COMMD6: variants seen among roughly 807,000 people sequenced by gnomAD.
The protein encoded by COMMD6 is COMM domain containing 6.
Under a neutral mutation model 13.4 loss-of-function variants are expected in COMMD6, and 11 were observed. The ratio of observed to expected loss-of-function variants is 0.82; its 90% confidence interval spans 0.52 to 1.36. The LOEUF (loss-of-function observed/expected upper bound fraction) is 1.36. COMMD6 is among the 40% of genes most tolerant of loss of function. The pLI is 0.00. For synonymous variants in COMMD6, 43 were observed against 36.5 expected, an observed-to-expected ratio of 1.18 and a Z score of -0.64; for missense variants, 124 against 102.4, an observed-to-expected ratio of 1.21 and a Z score of -0.91.
chr13:75,544,122 G>T (rs568533470), intron 1 of COMMD6, among the ~76,000 whole-genome samples: 6 of 152,126 alleles, frequency 3.9e-5, no homozygotes, highest in East Asian at 3.9e-4. Flanking sequence ...TGGTGGGTGG[G>T]GGGGAGGTGG....
chr13:75,535,530 A>G (rs2030635654), intron 2 of COMMD6, among the ~76,000 whole-genome samples: 1 of 152,230 alleles, frequency 6.6e-6, no homozygotes, highest in Non-Finnish European at 1.5e-5. Flanking sequence ...AGAGAAAACA[A>G]TATGCTGATC....
At chr13:75,545,479 T>C in intron 1 of COMMD6, among the ~76,000 whole-genome samples, 1 of 152,108 alleles carries the variant, frequency 6.6e-6, no homozygotes, top group East Asian at 1.9e-4. Context: ...TTCTCTTTTT[T>C]TTTTTGAGAT....
At chr13:75,527,890 A>G in intron 3 of COMMD6, 1 of 1,484,370 alleles carries the variant, frequency 6.7e-7, no homozygotes, top group East Asian at 2.5e-5. Flanking sequence ...AAAGGTACAA[A>G]CTTTTGGTTA....
intron 1 of COMMD6, among the ~76,000 whole-genome samples, chr13:75,544,478 C>T (rs2030871762): frequency 6.6e-6 from 1 of 152,058 alleles, no homozygotes; most frequent in South Asian, 2.1e-4. Context: ...AAAAGTGAGA[C>T]CAGCCAGGCA....
In COMMD6 at chr13:75,526,621, TG is replaced by T; in HGVS notation, c.225del (p.Phe75LeufsTer18). The T allele has an allele frequency of 6.2e-7, 1 of 1,606,148 alleles. No individual in the cohort carries two copies. The highest frequency in any genetic ancestry group is 8.5e-7 in the Non-Finnish European group (1 of 1,175,030). Reference protein sequence around the residue: ...IPQFQNFYRQFKEIAAVIETV With the variant: ...IPQFQNFYRQXKEIAAVIETV ...GTTTCAATAACTGCAGCAATTTCCT[TG>T]AACTGTCTGTAGAAATTCTGGAGAG... is the stretch of plus-strand genomic sequence containing the variant. On this transcript the variant is annotated frameshift_variant, in exon 4 of 4. Transcript: ENST00000682242. LOFTEE classifies it high-confidence loss of function.
Position 75,547,870 on chromosome 13 carries a change from G to C in COMMD6, n.106+1453C>G, listed in dbSNP as rs2030931145. Among the ~76,000 whole-genome samples, 6 of 152,310 alleles carry C rather than the reference G, an allele frequency of 3.9e-5. No homozygotes were observed. In the South Asian group the frequency reaches 1.2e-3, roughly 32 times the overall value. ...ACCTACTGGGCCTCTTTGGCTTTTG[G>C]AGATAGAATATACACTTGGGAATAC... On this transcript the variant is annotated intron_variant and non_coding_transcript_variant, in intron 1 of 2. Coordinates refer to the COMMD6 transcript ENST00000460675.
upstream of COMMD6, among the ~76,000 whole-genome samples, chr13:75,541,856 A>G (rs570247780): frequency 6.6e-6 from 1 of 152,340 alleles, no homozygotes; most frequent in East Asian, 1.9e-4. Context: ...TCTAATCCCC[A>G]GAATTTATGA....
chr13:75,537,521 G>A (rs41286112), intron 2 of COMMD6, 143 bp downstream of exon 2: 24,506 of 1,574,276 alleles, frequency 0.016, 250 homozygotes, highest in Middle Eastern at 0.03. Flanking sequence ...AAAAGAGAAG[G>A]AGCAATGCAA....
At chr13:75,537,359 C>G in intron 2 of COMMD6, 1 of 1,550,756 alleles carries the variant, frequency 6.4e-7, no homozygotes, top group Non-Finnish European at 8.7e-7. Flanking sequence ...TTCCTAACTT[C>G]TTTATCCAAC....
intron 1 of COMMD6, among the ~76,000 whole-genome samples, chr13:75,545,401 A>G (rs946514327): frequency 1.4e-4 from 21 of 152,128 alleles, no homozygotes; most frequent in Admixed American, 4.6e-4. Context: ...CAATTCTTAG[A>G]CATGTATTTT....
intron 3 of COMMD6, among the ~76,000 whole-genome samples, chr13:75,529,249 G>T (rs574626293): frequency 1.3e-5 from 2 of 152,124 alleles, no homozygotes; most frequent in East Asian, 3.9e-4. Context: ...GGCCGGGCCC[G>T]GTGGCTCACG....
chr13:75,542,290 C>CTTTTT (rs59815923), upstream of COMMD6, among the ~76,000 whole-genome samples: 1 of 138,114 alleles, frequency 7.2e-6, no homozygotes, highest in Admixed American at 7.3e-5. Context: ...TCTTTCTTTC[C>CTTTTT]TTTTTTTTTT....
At chr13:75,537,737 C>T in intron 1 of COMMD6, 27 bp downstream of exon 1, 1 of 1,613,936 alleles carries the variant, frequency 6.2e-7, no homozygotes, top group Admixed American at 1.7e-5. Flanking sequence ...GCCTCGCTGC[C>T]CACTCTCCTT....
intron 2 of COMMD6, among the ~76,000 whole-genome samples, chr13:75,530,820 A>G (rs9573578): frequency 0.77 from 117,417 of 152,120 alleles, 45,614 homozygotes; most frequent in African/African-American, 0.86. Context: ...ATGTGCATAA[A>G]GTCACACATT....
At chr13:75,527,842 G>A (rs1463869180) in intron 3 of COMMD6, 3 of 1,511,080 alleles carry the variant, frequency 2.0e-6, no homozygotes, top group East Asian at 2.5e-5. Flanking sequence ...GAGGTTGCCA[G>A]GAGCTGAGGC....
At chr13:75,544,633 C>G (rs1009013653) in intron 1 of COMMD6, among the ~76,000 whole-genome samples, 1 of 152,024 alleles carries the variant, frequency 6.6e-6, no homozygotes, top group Non-Finnish European at 1.5e-5. Context: ...TGTGGTGGCA[C>G]ACACCTGTGA....
intron 2 of COMMD6, among the ~76,000 whole-genome samples, chr13:75,535,422 G>C (rs190218707): frequency 5.8e-4 from 88 of 152,338 alleles, no homozygotes; most frequent in African/African-American, 2.1e-3. Flanking sequence ...AAAGTTTAAG[G>C]AAGTTGGAAG....
chr13:75,532,577 A>AT (rs1326531184), intron 2 of COMMD6, among the ~76,000 whole-genome samples: 2 of 152,090 alleles, frequency 1.3e-5, no homozygotes, highest in African/African-American at 2.4e-5. Flanking sequence ...CACGCCTGTA[A>AT]TCCCAGCACT....
upstream of COMMD6, among the ~76,000 whole-genome samples, chr13:75,540,007 G>C (rs1028302677): frequency 7.4e-6 from 1 of 134,340 alleles, no homozygotes; most frequent in African/African-American, 2.8e-5. Context: ...GTCTCACTCT[G>C]TTGCCCAGGC....
Sources: allele counts gnomAD v4.1 joint callset (sites outside exome capture counted in the v4.1 genomes callset), GRCh38; gene constraint gnomAD v4.1.1; transcripts MANE v1.5; gene names NCBI Gene and HGNC (gene_info 2026-07-23, HGNC 2026-07-21).